Variants in ZBTB44 observed in about 807,000 individuals in gnomAD.
ZBTB44 encodes the protein zinc finger and BTB domain-containing protein 44.
Under a neutral mutation model 54.0 loss-of-function variants are expected in ZBTB44, and 15 were observed. The observed-to-expected ratio is 0.28, with a 90% CI of 0.19 to 0.43. ZBTB44 has a LOEUF of 0.43. Among genes scored for constraint, ZBTB44 ranks in the 20% least tolerant of loss-of-function variants. The pLI is 1.00. For missense variants in ZBTB44, 487 were observed against 707.1 expected (o/e 0.69, Z 3.53); for synonymous variants, 230 against 250.1 (o/e 0.92, Z 0.76).
In ZBTB44 at chr11:130,261,922, G is replaced by A. The variant is rs1181706878; in HGVS notation, c.-49C>T. ...GCTCTTCAAGGATGCAAATAAATCA[G>A]AAATGTCCTAAAAAATACATAAAAT... On this transcript the variant is annotated 5_prime_UTR_variant, in exon 2 of 8. Coordinates refer to ENST00000357899, the MANE Select transcript of ZBTB44 (RefSeq NM_001301098.2). The surrounding 1 kb of genome is among the most constrained non-coding windows in gnomAD (Gnocchi z 4.8). The A allele has an allele frequency of 1.3e-6, 2 of 1,506,328 alleles. No homozygotes were observed. The highest frequency in any genetic ancestry group is 2.8e-5 in the African/African-American group (2 of 71,904). 93.3% of individuals were successfully genotyped at this position (1,506,328 alleles called of 1,614,324 possible). A position where few individuals can be genotyped will look rare whatever the true frequency, so the allele number is the denominator to read the frequency against.
At chr11:130,247,934 C>T (rs1178316917) in intron 2 of ZBTB44, among the ~76,000 whole-genome samples, 1 of 152,122 alleles carries the variant, frequency 6.6e-6, no homozygotes, top group Non-Finnish European at 1.5e-5. Flanking sequence ...GTATTTATTG[C>T]TTTTATTTGC....
intron 1 of ZBTB44, chr11:130,296,803 T>C (rs1370585611): frequency 1.1e-5 from 8 of 753,522 alleles, no homozygotes. Flanking sequence ...AAGTCATACA[T>C]ATGAGGTTAT....
At chr11:130,233,785 T>C (rs1953985961) in intron 6 of ZBTB44, 4 of 1,163,142 alleles carry the variant, frequency 3.4e-6, no homozygotes, top group African/African-American at 1.6e-5. Flanking sequence ...TTCAACATCA[T>C]GTTATTGTGT....
intron 2 of ZBTB44, among the ~76,000 whole-genome samples, chr11:130,258,621 G>A (rs576881646): frequency 5.9e-5 from 9 of 152,216 alleles, no homozygotes; most frequent in East Asian, 5.8e-4. Context: ...AGGCATTTAG[G>A]TACCCAACTA....
chr11:130,241,402 T>C (rs1426243104), intron 2 of ZBTB44, among the ~76,000 whole-genome samples: 1 of 152,246 alleles, frequency 6.6e-6, no homozygotes, highest in African/African-American at 2.4e-5. Context: ...TTTTAAGTTA[T>C]TACCACTGGT....
At position 130,227,575 on chromosome 11, in the gene ZBTB44, G is replaced by C. The variant is rs986349325; in HGVS notation, c.*4189C>G. On this transcript the variant is annotated 3_prime_UTR_variant, in exon 8 of 8. Transcript: ENST00000357899. ...TGCCGGGCTATAGGCAAATATTAAA[G>C]CATGCATCAGCTACCCAAAGCCATC... The C allele has an allele frequency of 6.6e-6, 1 of 152,174 alleles. No homozygotes were observed. The highest frequency in any genetic ancestry group is 1.5e-5 in the Non-Finnish European group (1 of 68,042). 9.4% of individuals were successfully genotyped at this position (152,174 alleles called of 1,614,324 possible).
chr11:130,243,704 C>CG (rs1432735658), intron 2 of ZBTB44, among the ~76,000 whole-genome samples: 1 of 152,100 alleles, frequency 6.6e-6, no homozygotes, highest in Non-Finnish European at 1.5e-5. Flanking sequence ...GGAATGGAGC[C>CG]GCTAGGTCAC....
chr11:130,265,263 G>A (rs554218117), intron 1 of ZBTB44, among the ~76,000 whole-genome samples: 4 of 152,190 alleles, frequency 2.6e-5, no homozygotes, highest in African/African-American at 9.6e-5. Context: ...ATTTTGCTCT[G>A]TCACCCAGGC....
At chr11:130,244,339 T>C (rs952507427) in intron 2 of ZBTB44, among the ~76,000 whole-genome samples, 33 of 152,240 alleles carry the variant, frequency 2.2e-4, no homozygotes, top group East Asian at 7.7e-4. Context: ...GGTCTTTTAA[T>C]AGCAAACAAG....
At chr11:130,260,719 C>T in intron 2 of ZBTB44, 137 bp downstream of exon 2, 1 of 1,024,708 alleles carries the variant, frequency 9.8e-7, no homozygotes, top group Non-Finnish European at 1.4e-6. Flanking sequence ...AATAGCATCT[C>T]AAGCAAATCC....
At chr11:130,302,446 T>G (rs1342765155) in intron 1 of ZBTB44, among the ~76,000 whole-genome samples, 2 of 152,134 alleles carry the variant, frequency 1.3e-5, no homozygotes, top group African/African-American at 4.8e-5. Context: ...ATAATTCTCT[T>G]GGAAGAATGG....
chr11:130,302,946 G>T (rs1363768801), intron 1 of ZBTB44, among the ~76,000 whole-genome samples: 1 of 152,174 alleles, frequency 6.6e-6, no homozygotes, highest in African/African-American at 2.4e-5. Flanking sequence ...TTGCGCTCCA[G>T]CCTGGGGGAC....
intron 5 of ZBTB44, chr11:130,235,970 A>C: frequency 2.6e-6 from 2 of 774,482 alleles, no homozygotes; most frequent in Non-Finnish European, 3.3e-6. Context: ...TCCATCTCAA[A>C]AAAAAAAAAA....
chr11:130,281,516 A>AAAT lies in ZBTB44; in HGVS notation c.-56-19588_-56-19587insATT, dbSNP rs1940503081. 8.9e-3 allele frequency among the ~76,000 whole-genome samples: 1,233 copies of AAAT among 138,832 alleles called. 10 individuals carry two copies. The highest frequency in any genetic ancestry group is 0.024 in the African/African-American group (851 of 34,934). The allele number at this position is 138,832 out of a possible 152,430, so 91.1% of individuals were successfully genotyped here. ...GCCTGGGCAACAGAGACCCTGTCTCAAAATAAATAAATAAATAAATAAATA... is the reference window on the plus strand; with the variant it reads ...GCCTGGGCAACAGAGACCCTGTCTCAAATAAATAAATAAATAAATAAATAAATA... On this transcript the variant is annotated intron_variant, in intron 1 of 7. Coordinates refer to ENST00000357899, the MANE Select transcript of ZBTB44 (RefSeq NM_001301098.2).
chr11:130,313,150 C>G (rs959667862), intron 1 of ZBTB44, among the ~76,000 whole-genome samples: 1 of 152,114 alleles, frequency 6.6e-6, no homozygotes, highest in African/African-American at 2.4e-5. Context: ...TACATCTATA[C>G]TGGAATTATA....
chr11:130,308,602 A>G (rs1054596773), intron 1 of ZBTB44, among the ~76,000 whole-genome samples: 2 of 152,272 alleles, frequency 1.3e-5, no homozygotes, highest in African/African-American at 4.8e-5. Context: ...CAGAAAGGGC[A>G]TAACAAATGT....
In ZBTB44 at chr11:130,281,573, AAGT is replaced by A. The variant is rs1040710756; in HGVS notation, c.-56-19647_-56-19645del. ...TAAATAAATAAATAAATATTTTAAAAAGTAGTTTTATTGTTGTTGTTGTTTTTT... is the reference window on the plus strand; with the variant it reads ...TAAATAAATAAATAAATATTTTAAAAAGTTTTATTGTTGTTGTTGTTTTTT... On this transcript the variant is annotated intron_variant, in intron 1 of 7. Coordinates refer to ENST00000357899, the MANE Select transcript of ZBTB44 (RefSeq NM_001301098.2). 1.1e-4 allele frequency among the ~76,000 whole-genome samples: 17 copies of A among 150,806 alleles called. 1 individual carries two copies. Among genetic ancestry groups the A allele is most frequent in the African/African-American group, 3.2e-4 (13 of 40,804 alleles).
Position 130,238,484 on chromosome 11 carries a change from G to A in ZBTB44, c.1227C>T (p.Thr409=), listed in dbSNP as rs779970670. 10 of 1,609,088 alleles carry A rather than the reference G, an allele frequency of 6.2e-6. No homozygotes were observed. Among genetic ancestry groups the A allele is most frequent in the East Asian group, 2.2e-5 (1 of 44,800 alleles). ...FQCPTCGVRF[T]RIQNLKQHML... is the part of the protein sequence containing the mutation. ...TGTGCTGCTTTAGGTTCTGAATACGGGTGAATCGCACCCCGCAGGTTGGAC... is the reference window on the plus strand; with the variant it reads ...TGTGCTGCTTTAGGTTCTGAATACGAGTGAATCGCACCCCGCAGGTTGGAC... The change falls in exon 4 of 8, where the codon ACC becomes ACT. Residue 409 remains threonine, a synonymous_variant. Coordinates refer to ENST00000357899, the MANE Select transcript of ZBTB44 (RefSeq NM_001301098.2).
intron 1 of ZBTB44, among the ~76,000 whole-genome samples, chr11:130,263,961 A>T (rs538045739): frequency 6.6e-6 from 1 of 152,194 alleles, no homozygotes; most frequent in East Asian, 1.9e-4. Context: ...CAAGGCCAAG[A>T]CGTATGCCTA....
Sources: gnomAD v4.1 joint callset for allele counts (sites outside exome capture counted in the v4.1 genomes callset) on GRCh38, gnomAD v4.1.1 for gene constraint, Gnocchi (gnomAD v3.1) non-coding constraint, MANE v1.5 for transcripts, NCBI Gene and HGNC (gene_info 2026-07-23, HGNC 2026-07-21) for gene names.